Variants in LOXL2 observed in about 807,000 individuals in gnomAD.
LOXL2 encodes the protein lysyl oxidase like 2.
LOXL2 carries 70 observed loss-of-function variants against 93.0 expected under a neutral mutation model. That is an observed-to-expected ratio of 0.75 (90% confidence interval 0.62 to 0.92). The LOEUF is 0.92. LOXL2 is among the 40% of genes least tolerant of loss of function. The pLI is 0.00. For missense variants in LOXL2, 973 were observed against 1,054.9 expected, an observed-to-expected ratio of 0.92 and a Z score of 1.08; for synonymous variants, 438 against 413.2, an observed-to-expected ratio of 1.06 and a Z score of -0.73.
At chr8:23,313,494 A>C (rs1321886029) in intron 9 of LOXL2, among the ~76,000 whole-genome samples, 1 of 151,806 alleles carries the variant, frequency 6.6e-6, no homozygotes, top group Non-Finnish European at 1.5e-5. Flanking sequence ...ATAACGCTGC[A>C]TATCTACAAC....
At chr8:23,352,417 C>CT (rs761939678) in intron 3 of LOXL2, among the ~76,000 whole-genome samples, 1 of 152,096 alleles carries the variant, frequency 6.6e-6, no homozygotes, top group Non-Finnish European at 1.5e-5. Flanking sequence ...AATAGGCCCC[C>CT]TTTTTTCCCC....
intron 10 of LOXL2, among the ~76,000 whole-genome samples, chr8:23,308,876 G>C (rs960621414): frequency 6.6e-6 from 1 of 152,082 alleles, no homozygotes; most frequent in East Asian, 1.9e-4. Context: ...GCACGGCTGC[G>C]TTTAGAGACC....
At chr8:23,381,385 T>G (rs1002256869) in intron 1 of LOXL2, among the ~76,000 whole-genome samples, 1 of 152,210 alleles carries the variant, frequency 6.6e-6, no homozygotes, top group Non-Finnish European at 1.5e-5. Context: ...TCAACACTTT[T>G]GCAAAACTAT....
intron 9 of LOXL2, among the ~76,000 whole-genome samples, chr8:23,313,432 C>T (rs1803347057): frequency 6.6e-6 from 1 of 152,036 alleles, no homozygotes; most frequent in Non-Finnish European, 1.5e-5. Flanking sequence ...CAGCATGGTA[C>T]TGGTACCAAA....
At chr8:23,363,413 C>T (rs958959731) in intron 2 of LOXL2, 11 of 152,280 alleles carry the variant, frequency 7.2e-5, no homozygotes, top group African/African-American at 1.9e-4. Context: ...CATTTTGGCC[C>T]GGTTTCCAAG....
chr8:23,386,406 A>G (rs1361629037), intron 1 of LOXL2, among the ~76,000 whole-genome samples: 2 of 152,140 alleles, frequency 1.3e-5, no homozygotes, highest in East Asian at 3.9e-4. Flanking sequence ...AAAAGAAAGA[A>G]AGAGAACAAA....
At chr8:23,317,954 A>T (rs1803428998) in intron 8 of LOXL2, among the ~76,000 whole-genome samples, 1 of 105,656 alleles carries the variant, frequency 9.5e-6, no homozygotes, top group African/African-American at 2.7e-5. Flanking sequence ...AGGGCCTTGG[A>T]AGTATTAGTA....
intron 1 of LOXL2, among the ~76,000 whole-genome samples, chr8:23,376,559 T>C (rs1804596662): frequency 6.6e-6 from 1 of 152,186 alleles, no homozygotes; most frequent in African/African-American, 2.4e-5. Context: ...GCTGCGAATC[T>C]GTCTGGTCCT....
intron 1 of LOXL2, chr8:23,382,295 A>G (rs1431978733): frequency 6.6e-6 from 1 of 152,228 alleles, no homozygotes; most frequent in Admixed American, 6.5e-5. Context: ...AGGCGGGCAG[A>G]TCACGACGTC....
chr8:23,376,289 C>CCA (rs200195122), intron 1 of LOXL2, among the ~76,000 whole-genome samples: 6,826 of 152,184 alleles, frequency 0.045, 312 homozygotes, highest in East Asian at 0.1. Context: ...GGGATGAAGC[C>CCA]CACTTGATCA....
chr8:23,349,356 C>T (rs1283176156), intron 3 of LOXL2, among the ~76,000 whole-genome samples: 1 of 152,172 alleles, frequency 6.6e-6, no homozygotes, highest in Non-Finnish European at 1.5e-5. Flanking sequence ...CATTCTCTGT[C>T]CCTTCTTTCT....
At chr8:23,372,239 G>A (rs1455675369) in intron 1 of LOXL2, among the ~76,000 whole-genome samples, 1 of 144,304 alleles carries the variant, frequency 6.9e-6, no homozygotes, top group Non-Finnish European at 1.5e-5. Flanking sequence ...TTTTTGAGAT[G>A]GAGTCTTGCT....
intron 11 of LOXL2, 80 bp downstream of exon 11, chr8:23,303,202 G>A (rs1003823154): frequency 1.7e-5 from 15 of 878,724 alleles, no homozygotes; most frequent in African/African-American, 3.3e-5. Flanking sequence ...TGCCAGGCCT[G>A]GGCTCCAGCC....
intron 4 of LOXL2, among the ~76,000 whole-genome samples, chr8:23,335,958 T>C (rs1803783563): frequency 6.6e-6 from 1 of 152,138 alleles, no homozygotes; most frequent in South Asian, 2.1e-4. Flanking sequence ...GGGTGCGTGC[T>C]CACCACAGCG....
chr8:23,391,110 C>T (rs1804836847), intron 1 of LOXL2, among the ~76,000 whole-genome samples: 1 of 152,150 alleles, frequency 6.6e-6, no homozygotes, highest in African/African-American at 2.4e-5. Flanking sequence ...TCAATTATCT[C>T]CCACTGGGTC....
chr8:23,370,189 CCATCATAT>C (rs1804473005), intron 1 of LOXL2, among the ~76,000 whole-genome samples: 1 of 152,106 alleles, frequency 6.6e-6, no homozygotes, highest in South Asian at 2.1e-4. Flanking sequence ...GGCACACATC[CCATCATAT>C]CAGCCTATAC....
At chr8:23,334,039 T>G (rs1345551400) in intron 4 of LOXL2, among the ~76,000 whole-genome samples, 1 of 152,066 alleles carries the variant, frequency 6.6e-6, no homozygotes, top group Non-Finnish European at 1.5e-5. Context: ...CCAACAAAAT[T>G]TGTTGTCATT....
chr8:23,385,909 T>C, intron 1 of LOXL2: 1 of 764,768 alleles, frequency 1.3e-6, no homozygotes, highest in Non-Finnish European at 2.4e-6. Context: ...CAGCACGTAC[T>C]TTGCGTTTGC....
At chr8:23,346,146 TAAAATAAAATAA>T (rs1803975113) in intron 3 of LOXL2, among the ~76,000 whole-genome samples, 1 of 78,046 alleles carries the variant, frequency 1.3e-5, no homozygotes, top group African/African-American at 3.6e-5. Flanking sequence ...ATAAAATAAA[TAAAATAAAATAA>T]AAAATAAAAT....
Sources: allele counts gnomAD v4.1 joint callset (sites outside exome capture counted in the v4.1 genomes callset), GRCh38; gene constraint gnomAD v4.1.1; transcripts MANE v1.5; gene names NCBI Gene and HGNC (gene_info 2026-07-23, HGNC 2026-07-21).